Variants in ASIC2 observed in about 807,000 individuals in gnomAD.
The protein encoded by ASIC2 is acid sensing ion channel subunit 2.
In ASIC2, 25 loss-of-function variants were observed where a neutral mutation model predicts 57.3. That is an observed-to-expected ratio of 0.44 (90% CI 0.32 to 0.61). ASIC2 has a LOEUF of 0.61. Ranked by LOEUF, ASIC2 falls within the 20% of genes least tolerant of loss-of-function variation. ASIC2 has a pLI of 0.06. For missense variants in ASIC2, 641 were observed against 738.1 expected, an observed-to-expected ratio of 0.87 and a Z score of 1.52; for synonymous variants, 319 against 307.5, an observed-to-expected ratio of 1.04 and a Z score of -0.39.
At chr17:34,082,611 C>T (rs1909930531) in intron 1 of ASIC2, among the ~76,000 whole-genome samples, 1 of 152,226 alleles carries the variant, frequency 6.6e-6, no homozygotes, top group Non-Finnish European at 1.5e-5. Context: ...ACTCAATCAC[C>T]TGTCCCCGCC....
At chr17:33,017,888 C>T (rs544014131) in intron 7 of ASIC2, among the ~76,000 whole-genome samples, 5 of 152,284 alleles carry the variant, frequency 3.3e-5, no homozygotes, top group African/African-American at 1.2e-4. Context: ...TCAGTGGGGT[C>T]GGGGACTAAG....
At chr17:33,291,330 A>AG (rs1567812324) in intron 1 of ASIC2, 78 bp downstream of exon 1, 4 of 1,499,670 alleles carry the variant, frequency 2.7e-6, no homozygotes, top group African/African-American at 2.8e-5. Context: ...GACAGCCCCG[A>AG]GGGGGCGGAA....
intron 1 of ASIC2, among the ~76,000 whole-genome samples, chr17:33,631,327 T>TG (rs1906161725): frequency 1.3e-5 from 2 of 151,606 alleles, no homozygotes; most frequent in Non-Finnish European, 2.9e-5. Flanking sequence ...TAGTGATTTT[T>TG]TTTTTTTTTT....
chr17:34,076,979 C>T (rs1019149801), intron 1 of ASIC2, among the ~76,000 whole-genome samples: 4 of 152,212 alleles, frequency 2.6e-5, no homozygotes, highest in African/African-American at 9.6e-5. Context: ...CTGGCCATTT[C>T]TCACGGGCTG....
At chr17:33,772,068 A>G (rs1253896930) in intron 1 of ASIC2, among the ~76,000 whole-genome samples, 2 of 152,220 alleles carry the variant, frequency 1.3e-5, no homozygotes, top group African/African-American at 2.4e-5. Flanking sequence ...GGCCAACCAG[A>G]GACACTAGAA....
chr17:34,041,840 T>C (rs1477743970), intron 1 of ASIC2, among the ~76,000 whole-genome samples: 1 of 152,196 alleles, frequency 6.6e-6, no homozygotes, highest in Non-Finnish European at 1.5e-5. Context: ...TCTTTCACCT[T>C]TAATATTCCT....
chr17:33,583,620 A>T (rs1904515699), intron 1 of ASIC2, among the ~76,000 whole-genome samples: 1 of 152,200 alleles, frequency 6.6e-6, no homozygotes, highest in Non-Finnish European at 1.5e-5. Flanking sequence ...TGTTTAGGCC[A>T]GTGTTTTGCA....
intron 3 of ASIC2, among the ~76,000 whole-genome samples, chr17:33,082,601 A>C (rs2092117238): frequency 6.6e-6 from 1 of 152,138 alleles, no homozygotes; most frequent in African/African-American, 2.4e-5. Context: ...CCAGAGGCTG[A>C]GGCACGAGAT....
chr17:33,168,375 T>C (rs2142046095), intron 1 of ASIC2, among the ~76,000 whole-genome samples: 1 of 152,304 alleles, frequency 6.6e-6, no homozygotes, highest in African/African-American at 2.4e-5. Flanking sequence ...AGAAAAAGCC[T>C]GTATTGCTAT....
In ASIC2 at chr17:33,491,929, AT is replaced by A. The variant is rs796643436; in HGVS notation, c.556-379863del. 1.4e-4 allele frequency among the ~76,000 whole-genome samples: 22 copies of A among 152,274 alleles called. No individual in the cohort carries two copies. In the South Asian group the frequency reaches 4.6e-3, roughly 32 times the overall value. On this transcript the variant is annotated intron_variant, in intron 1 of 9. Transcript: ENST00000359872. ...CTTATATTTTCTCCTCGTGGCCCTA[AT>A]TTTGCCTTCCAGGAAAGAGCTGAGC...
Position 33,944,008 on chromosome 17 carries a change from C to T in ASIC2, c.555+211970G>A, listed in dbSNP as rs72821038. ...AACCACTTGCGTCTGAGGATGAAGG[C>T]GGATCCTAGATAGGATTTGTGTCAG... On this transcript the variant is annotated intron_variant, in intron 1 of 9. Transcript: ENST00000359872. Among the ~76,000 whole-genome samples the T allele has an allele frequency of 2.9e-3, 443 of 152,092 alleles. 2 individuals are homozygous for T. The highest frequency in any genetic ancestry group is 6.8e-3 in the Middle Eastern group (2 of 294).
At chr17:33,087,300 G>C (rs1281101446) in intron 3 of ASIC2, among the ~76,000 whole-genome samples, 1 of 152,030 alleles carries the variant, frequency 6.6e-6, no homozygotes, top group Non-Finnish European at 1.5e-5. Flanking sequence ...GCACCATTTG[G>C]TTTCTACCTT....
At chr17:33,568,622 G>C (rs1221779414) in intron 1 of ASIC2, among the ~76,000 whole-genome samples, 1 of 152,028 alleles carries the variant, frequency 6.6e-6, no homozygotes, top group Non-Finnish European at 1.5e-5. Context: ...CCCCCTCTGT[G>C]TTATATGAGG....
intron 1 of ASIC2, among the ~76,000 whole-genome samples, chr17:33,151,205 GCA>G (rs796468433): frequency 0.047 from 6,834 of 145,858 alleles, 208 homozygotes; most frequent in East Asian, 0.088. Context: ...ACACACGCGC[GCA>G]CACACACACA....
chr17:33,332,015 G>GA (rs1907333326), intron 1 of ASIC2, among the ~76,000 whole-genome samples: 3 of 152,234 alleles, frequency 2.0e-5, no homozygotes, highest in Non-Finnish European at 2.9e-5. Context: ...GAACATTAGT[G>GA]TTTTTTCAAG....
chr17:33,757,386 C>A (rs1363372535), intron 1 of ASIC2, among the ~76,000 whole-genome samples: 18 of 152,180 alleles, frequency 1.2e-4, no homozygotes, highest in Non-Finnish European at 2.6e-4. Context: ...CTTTGAGAGG[C>A]TGAGAGGTGG....
intron 1 of ASIC2, among the ~76,000 whole-genome samples, chr17:33,579,246 A>G (rs12951975): frequency 0.29 from 42,216 of 147,174 alleles, 6,583 homozygotes; most frequent in African/African-American, 0.39. Flanking sequence ...AAATCACACC[A>G]TTGCACTCCA....
intron 1 of ASIC2, among the ~76,000 whole-genome samples, chr17:34,035,023 A>T (rs572634386): frequency 1.3e-5 from 2 of 151,558 alleles, no homozygotes; most frequent in South Asian, 4.1e-4. Context: ...TTTAAAGTTC[A>T]TATGGAACCA....
chr17:33,970,977 T>C (rs1905213504), intron 1 of ASIC2, among the ~76,000 whole-genome samples: 1 of 152,144 alleles, frequency 6.6e-6, no homozygotes, highest in Non-Finnish European at 1.5e-5. Flanking sequence ...GCTATACCTA[T>C]CATCCATCAA....
Sources: gnomAD v4.1 joint callset for allele counts (sites outside exome capture counted in the v4.1 genomes callset) on GRCh38, gnomAD v4.1.1 for gene constraint, MANE v1.5 for transcripts, NCBI Gene and HGNC (gene_info 2026-07-23, HGNC 2026-07-21) for gene names.